PRKD2: variants seen among roughly 807,000 people sequenced by gnomAD.
PRKD2 encodes the protein protein kinase D2, also known as serine/threonine-protein kinase D2.
In PRKD2, 22 loss-of-function variants were observed where a neutral mutation model predicts 86.0. That is an observed-to-expected ratio of 0.26 (90% CI 0.18 to 0.37). The LOEUF (loss-of-function observed/expected upper bound fraction) is 0.37, where lower values mean the gene tolerates loss of function less well. Among genes scored for constraint, PRKD2 ranks in the 10% least tolerant of loss-of-function variants. PRKD2 has a pLI of 1.00. For missense variants in PRKD2, 818 were observed against 1,199.2 expected, an observed-to-expected ratio of 0.68 and a Z score of 4.70; for synonymous variants, 509 against 510.9, an observed-to-expected ratio of 1.00 and a Z score of 0.05.
intron 15 of PRKD2, among the ~76,000 whole-genome samples, chr19:46,679,760 G>T (rs2053267778): frequency 6.6e-6 from 1 of 152,142 alleles, no homozygotes; most frequent in Non-Finnish European, 1.5e-5. Context: ...GAATAGCTGG[G>T]ATCACAGGGA....
At position 46,700,952 on chromosome 19, in the gene PRKD2, T is replaced by C; in HGVS notation, c.968A>G (p.Asp323Gly). The C allele has an allele frequency of 6.2e-7, 1 of 1,614,190 alleles. No homozygotes were observed. ...DCLGEALINGDVPMEEATDFS... is the reference protein window; with the variant it reads ...DCLGEALINGGVPMEEATDFS... ...ATCGGTGGCCTCCTCCATCGGCACA[T>C]CTGTGGGGACGGAGGCATCAGAGGG... Residue 323 changes from aspartate (D) to glycine (G), a missense_variant and splice_region_variant, in exon 7 of 18, where the codon GAT becomes GGT. Physicochemically the swap from Asp to Gly is moderately conservative, Grantham distance 94 (BLOSUM62 -1). This residue lies in a region of PRKD2 where 403 missense variants were observed against 518.6 expected (regional missense o/e 0.78). Coordinates refer to ENST00000291281, the MANE Select transcript of PRKD2 (RefSeq NM_016457.5).
Position 46,704,521 on chromosome 19 carries a change from A to T in PRKD2, c.640T>A (p.Ser214Thr). ...GHSVRLGTSE[S>T]LPCTAEELSR... ...AGCTCTTCAGCCGTGCAGGGCAGGG[A>T]CTCGGAGGTGCCGAGGCGCACCGAG... Residue 214 changes from serine to threonine, a missense_variant, in exon 4 of 18, where the codon TCC becomes ACC. Physicochemically the swap from Ser to Thr is moderately conservative, Grantham distance 58 (BLOSUM62 1). Coordinates refer to ENST00000291281, the MANE Select transcript of PRKD2 (RefSeq NM_016457.5). The T allele has an allele frequency of 6.2e-7, 1 of 1,613,988 alleles. No homozygotes were observed. Among genetic ancestry groups the T allele is most frequent in the Non-Finnish European group, 8.5e-7 (1 of 1,180,000 alleles).
In PRKD2 at chr19:46,714,097, C is replaced by T. The variant is rs938987259; in HGVS notation, c.241-96G>A. The T allele has an allele frequency of 4.8e-6, 7 of 1,473,272 alleles. No homozygotes were observed. In the African/African-American group the frequency reaches 8.4e-5, roughly 18 times the overall value. 91.3% of individuals were successfully genotyped at this position (1,473,272 alleles called of 1,614,324 possible). A position where few individuals can be genotyped will look rare whatever the true frequency, so the allele number is the denominator to read the frequency against. On this transcript the variant is annotated intron_variant, in intron 1 of 17. Coordinates refer to ENST00000291281, the MANE Select transcript of PRKD2 (RefSeq NM_016457.5). ...CCTCCCAGGGCAGGGCCGGCTGTTT[C>T]CCCCGGAAACGCAGAGACCCCGCAG...
At chr19:46,710,718 A>G in intron 3 of PRKD2, 189 bp downstream of exon 3, 1 of 660,256 alleles carries the variant, frequency 1.5e-6, no homozygotes, top group Non-Finnish European at 2.4e-6. Flanking sequence ...GCCCCGGCCC[A>G]GCCCCACCAC....
intron 8 of PRKD2, 153 bp from the exon 9 acceptor site, chr19:46,697,387 G>A: frequency 1.8e-6 from 1 of 569,120 alleles, no homozygotes. Context: ...CCCACCACAC[G>A]CCCTAACCCC....
chr19:46,705,285 C>T (rs1427649246), intron 3 of PRKD2, among the ~76,000 whole-genome samples: 10 of 152,130 alleles, frequency 6.6e-5, no homozygotes. Flanking sequence ...CTAGAGACAC[C>T]TGTTCCCCCT....
At chr19:46,714,479 G>GGGGA in intron 1 of PRKD2, 1 of 151,646 alleles carries the variant, frequency 6.6e-6, no homozygotes, top group East Asian at 2.1e-4. Context: ...TGGGAAAGTG[G>GGGGA]GGGGGGGGGC....
Position 46,690,679 on chromosome 19 carries a change from A to G in PRKD2, c.1730T>C (p.Val577Ala). 6.2e-7 allele frequency: 1 copy of G among 1,614,182 alleles called. No individual in the cohort carries two copies. The highest frequency in any genetic ancestry group is 8.5e-7 in the Non-Finnish European group (1 of 1,180,032). Residue 577 changes from valine to alanine, a missense_variant, in exon 13 of 18, where the codon GTG (valine) becomes GCG (alanine). This residue lies in a region of PRKD2 where 154 missense variants were observed against 359.6 expected (regional missense o/e 0.43). Coordinates refer to ENST00000291281, the MANE Select transcript of PRKD2 (RefSeq NM_016457.5). ...CAGTTTGTCAATGACCTTAACTGCC[A>G]CGTCCCGGCCTGTCTTCCGGTGTTT... ...GGKHRKTGRD[V>A]AVKVIDKLRF...
Position 46,678,479 on chromosome 19 carries a change from T to C in PRKD2, c.2255A>G (p.Asn752Ser), listed in dbSNP as rs1304923175. Residue 752 changes from asparagine to serine, a missense_variant, in exon 16 of 18, where the codon AAC becomes AGC. Physicochemically the swap from Asn to Ser is conservative, Grantham distance 46 (BLOSUM62 1). Around this residue, in one of 5 missense-constraint regions of PRKD2, gnomAD observed 154 missense variants for 359.6 expected, o/e 0.43. Coordinates refer to ENST00000291281, the MANE Select transcript of PRKD2 (RefSeq NM_016457.5). The surrounding 1 kb of genome is among the most constrained non-coding windows in gnomAD (Gnocchi z 5.7). ...YVSLSGTFPF[N>S]EDEDINDQIQ... The stretch of plus-strand genomic sequence containing the variant: ...CTGGTCATTGATGTCCTCATCCTCG[T>C]TGAAAGGGAAGGTGCCGCTGAGGCT... 5.6e-6 allele frequency: 9 copies of C among 1,614,112 alleles called. No individual in the cohort carries two copies. The highest frequency in any genetic ancestry group is 7.6e-6 in the Non-Finnish European group (9 of 1,180,020).
At chr19:46,706,915 C>T (rs1423309265) in intron 3 of PRKD2, among the ~76,000 whole-genome samples, 1 of 137,600 alleles carries the variant, frequency 7.3e-6, no homozygotes, top group Non-Finnish European at 1.5e-5. Context: ...TTTTTTGAGA[C>T]GGAGTCTCAC....
At chr19:46,701,445 A>T (rs2053633835) in intron 5 of PRKD2, among the ~76,000 whole-genome samples, 1 of 150,394 alleles carries the variant, frequency 6.6e-6, no homozygotes, top group Non-Finnish European at 1.5e-5. Context: ...ACATGGTAAA[A>T]CCTCGTCTCT....
At chr19:46,676,168 C>G (rs1025215751) in intron 16 of PRKD2, among the ~76,000 whole-genome samples, 18 of 152,164 alleles carry the variant, frequency 1.2e-4, no homozygotes, top group African/African-American at 4.3e-4. Context: ...GTGGCTCATG[C>G]CTGTAATCCC....
intron 9 of PRKD2, among the ~76,000 whole-genome samples, chr19:46,696,440 G>A (rs753469339): frequency 6.6e-6 from 1 of 152,142 alleles, no homozygotes; most frequent in Non-Finnish European, 1.5e-5. Context: ...TGACGAATAC[G>A]CACACAATGC....
At chr19:46,680,934 ATATATATATATATT>A (rs1451015621) in intron 15 of PRKD2, among the ~76,000 whole-genome samples, 10 of 54,170 alleles carry the variant, frequency 1.8e-4, no homozygotes, top group African/African-American at 4.4e-4. Flanking sequence ...CTATATATAT[ATATATATATATATT>A]TTTTTTTTTT....
At chr19:46,695,808 G>T (rs955884824) in intron 9 of PRKD2, among the ~76,000 whole-genome samples, 2 of 152,090 alleles carry the variant, frequency 1.3e-5, no homozygotes, top group African/African-American at 2.4e-5. Context: ...GGACACGTCG[G>T]GGGGGCATGG....
At chr19:46,687,080 C>CA (rs373785183) in intron 14 of PRKD2, among the ~76,000 whole-genome samples, 40 of 150,462 alleles carry the variant, frequency 2.7e-4, no homozygotes, top group African/African-American at 8.3e-4. Flanking sequence ...GCACCTCCAC[C>CA]AAAAAAAAAG....
In PRKD2 at chr19:46,709,521, G is replaced by A. The variant is rs376063432; in HGVS notation, c.511+1386C>T. ...TGGAATTACAGGCGTCCACCAACACGCCGGCTTTTTTGTATTTTTAGTAGA... is the reference window on the plus strand; with the variant it reads ...TGGAATTACAGGCGTCCACCAACACACCGGCTTTTTTGTATTTTTAGTAGA... On this transcript the variant is annotated intron_variant, in intron 3 of 17. Transcript: ENST00000291281. 1.8e-4 allele frequency among the ~76,000 whole-genome samples: 28 copies of A among 151,978 alleles called. No homozygotes were observed. The East Asian group carries it at 4.3e-3, about 23-fold the overall frequency.
At chr19:46,695,406 C>T (rs547407614) in intron 9 of PRKD2, among the ~76,000 whole-genome samples, 1 of 152,340 alleles carries the variant, frequency 6.6e-6, no homozygotes, top group East Asian at 1.9e-4. Context: ...TCACTTGAAC[C>T]CCGGAGGCGG....
chr19:46,689,515 G>A, intron 14 of PRKD2, 22 bp downstream of exon 14: 5 of 1,575,848 alleles, frequency 3.2e-6, no homozygotes, highest in Non-Finnish European at 4.3e-6. Context: ...GGGGCGGGTG[G>A]CAGCGGGCAG....
Sources: gnomAD v4.1 joint callset for allele counts (sites outside exome capture counted in the v4.1 genomes callset) on GRCh38, gnomAD v4.1.1 for gene constraint, gnomAD v4.1.1 regional missense constraint, Gnocchi (gnomAD v3.1) non-coding constraint, MANE v1.5 for transcripts, NCBI Gene and HGNC (gene_info 2026-07-23, HGNC 2026-07-21) for gene names.